Variants in RBMS3 observed in about 807,000 individuals in gnomAD.
RBMS3 encodes the protein RNA-binding motif, single-stranded-interacting protein 3.
Under a neutral mutation model 66.8 loss-of-function variants are expected in RBMS3, and 27 were observed. The observed-to-expected ratio is 0.40, with a 90% CI of 0.30 to 0.56. The LOEUF (loss-of-function observed/expected upper bound fraction) is 0.56. Among genes scored for constraint, RBMS3 ranks in the 20% least tolerant of loss-of-function variants. RBMS3 has a pLI of 0.40. For synonymous variants in RBMS3, 188 were observed against 183.0 expected (o/e 1.03, Z -0.22); for missense variants, 513 against 549.5 (o/e 0.93, Z 0.66).
chr3:29,851,967 G>A (rs533497974), intron 6 of RBMS3, among the ~76,000 whole-genome samples: 1 of 152,250 alleles, frequency 6.6e-6, no homozygotes, highest in South Asian at 2.1e-4. Flanking sequence ...GCATGGTACT[G>A]GTACAAAAAC....
rs1291490286 is a variant in RBMS3, at chr3:30,009,421, G to A, written c.*5559G>A. Reference sequence around the variant, plus strand: ...TAAAATTAATATCAGTACATTATATGTCATAAATTTTGATTATCTATAATG... The same window carrying A: ...TAAAATTAATATCAGTACATTATATATCATAAATTTTGATTATCTATAATG... On this transcript the variant is annotated 3_prime_UTR_variant, in exon 15 of 15. Coordinates refer to ENST00000383767, the MANE Select transcript of RBMS3 (RefSeq NM_001003793.3). 6.6e-6 allele frequency: 1 copy of A among 152,062 alleles called. No individual in the cohort carries two copies. 9.4% of individuals were successfully genotyped at this position (152,062 alleles called of 1,614,324 possible). A position where few individuals can be genotyped will look rare whatever the true frequency, so the allele number is the denominator to read the frequency against.
At chr3:29,587,228 T>G (rs13059434) in intron 4 of RBMS3, 23 bp downstream of exon 4, 7 of 329,800 alleles carry the variant, frequency 2.1e-5, no homozygotes, top group Non-Finnish European at 2.9e-5. Flanking sequence ...TTTAGGGGTG[T>G]TTTTTTTTTT....
chr3:29,286,350 T>G (rs191979650), intron 1 of RBMS3, among the ~76,000 whole-genome samples: 1 of 151,906 alleles, frequency 6.6e-6, no homozygotes, highest in African/African-American at 2.4e-5. Context: ...TTGAACACAA[T>G]CCCAGTGCAT....
intron 4 of RBMS3, among the ~76,000 whole-genome samples, chr3:29,699,692 T>C (rs1055113045): frequency 6.6e-6 from 1 of 152,222 alleles, no homozygotes; most frequent in Non-Finnish European, 1.5e-5. Context: ...AGTGTCCGCA[T>C]AGTATGGTAA....
intron 3 of RBMS3, among the ~76,000 whole-genome samples, chr3:29,523,989 A>C (rs2044974027): frequency 6.6e-6 from 1 of 152,058 alleles, no homozygotes; most frequent in Admixed American, 6.6e-5. Flanking sequence ...CTTCTAGCTC[A>C]GCCTCCCAAA....
In RBMS3 at chr3:29,739,842, C is replaced by A; in HGVS notation, c.522C>A (p.Asp174Glu). Residue 174 changes from aspartate to glutamate, a missense_variant, in exon 5 of 15, where the codon GAC becomes GAA. Asp to Glu is a conservative substitution (Grantham distance 45). Transcript: ENST00000383767. ...TCATTTCCACAAGAATACTAAGAGA[C>A]GCTAATGGAGTCAGCAGAGGTGTTG... ...GHVISTRILR[D>E]ANGVSRGVGF... 1 of 1,611,126 alleles carries A rather than the reference C, an allele frequency of 6.2e-7. No homozygotes were observed. The highest frequency in any genetic ancestry group is 8.5e-7 in the Non-Finnish European group (1 of 1,178,850).
At chr3:29,335,587 C>T (rs546137638) in intron 1 of RBMS3, among the ~76,000 whole-genome samples, 15 of 152,276 alleles carry the variant, frequency 9.9e-5, no homozygotes, top group African/African-American at 3.6e-4. Context: ...GGCCTGGTGC[C>T]AAAGCTCTTC....
At chr3:29,446,969 C>G (rs573699698) in intron 2 of RBMS3, among the ~76,000 whole-genome samples, 1 of 115,088 alleles carries the variant, frequency 8.7e-6, no homozygotes, top group African/African-American at 3.4e-5. Context: ...GGCTGGAGTT[C>G]GTGGTGCCAT....
At chr3:29,793,241 A>AT (rs2057073678) in intron 6 of RBMS3, among the ~76,000 whole-genome samples, 1 of 151,494 alleles carries the variant, frequency 6.6e-6, no homozygotes, top group African/African-American at 2.4e-5. Flanking sequence ...AAAAAAAAAA[A>AT]GAAAAAGGAA....
intron 11 of RBMS3, among the ~76,000 whole-genome samples, chr3:29,937,598 T>C (rs1463632013): frequency 2.0e-5 from 3 of 151,982 alleles, no homozygotes; most frequent in African/African-American, 7.2e-5. Context: ...AAGATCTCAG[T>C]TGCAGAACCT....
chr3:29,876,630 C>A (rs1312714107), intron 7 of RBMS3, among the ~76,000 whole-genome samples: 1 of 152,082 alleles, frequency 6.6e-6, no homozygotes, highest in African/African-American at 2.4e-5. Flanking sequence ...ATAGTTAATG[C>A]CTTCAGTGGC....
chr3:29,986,082 A>T (rs1303718223), intron 12 of RBMS3, among the ~76,000 whole-genome samples: 1 of 152,152 alleles, frequency 6.6e-6, no homozygotes, highest in Admixed American at 6.6e-5. Context: ...AAAGTTTAGA[A>T]TTACTAACTT....
intron 6 of RBMS3, among the ~76,000 whole-genome samples, chr3:29,824,197 G>A (rs2058145524): frequency 6.6e-6 from 1 of 151,260 alleles, no homozygotes; most frequent in Non-Finnish European, 1.5e-5. Context: ...CCTTTGGAAG[G>A]TGAATTGGAC....
intron 3 of RBMS3, among the ~76,000 whole-genome samples, chr3:29,579,642 A>C (rs889134203): frequency 2.0e-5 from 3 of 152,178 alleles, no homozygotes; most frequent in African/African-American, 4.8e-5. Flanking sequence ...ACCATTACAC[A>C]CTTGTACCTC....
intron 2 of RBMS3, among the ~76,000 whole-genome samples, chr3:29,457,914 C>A (rs947202389): frequency 6.7e-6 from 1 of 150,326 alleles, no homozygotes; most frequent in Non-Finnish European, 1.5e-5. Context: ...TTTATAACTG[C>A]TGTTTCCTTT....
chr3:29,796,023 C>T (rs868607016), intron 6 of RBMS3, among the ~76,000 whole-genome samples: 2 of 152,258 alleles, frequency 1.3e-5, no homozygotes, highest in Middle Eastern at 3.4e-3. Context: ...TATAAGGATA[C>T]CTCAGAGGTA....
At chr3:29,429,410 G>A (rs1255184157) in intron 1 of RBMS3, among the ~76,000 whole-genome samples, 1 of 152,152 alleles carries the variant, frequency 6.6e-6, no homozygotes, top group Non-Finnish European at 1.5e-5. Context: ...TGTGGCTGAA[G>A]GGCTTTAGAC....
chr3:29,641,031 G>A (rs928773021), intron 4 of RBMS3: 2 of 151,874 alleles, frequency 1.3e-5, no homozygotes, highest in South Asian at 4.1e-4. Context: ...AAATGTATTT[G>A]TTCATAATAG....
intron 3 of RBMS3, among the ~76,000 whole-genome samples, chr3:29,527,900 A>G (rs1392836747): frequency 6.6e-6 from 1 of 150,666 alleles, no homozygotes; most frequent in African/African-American, 2.4e-5. Flanking sequence ...CATGTACCCT[A>G]GAACTTAAAG....
Sources: allele counts gnomAD v4.1 joint callset (sites outside exome capture counted in the v4.1 genomes callset), GRCh38; gene constraint gnomAD v4.1.1; transcripts MANE v1.5; gene names NCBI Gene and HGNC (gene_info 2026-07-23, HGNC 2026-07-21).